NIPAL2: variants seen among roughly 807,000 people sequenced by gnomAD.
NIPAL2 encodes the protein NIPA like domain containing 2, also known as NIPA-like protein 2.
NIPAL2 carries 43 observed loss-of-function variants against 48.9 expected under a neutral mutation model. That is an observed-to-expected ratio of 0.88 (90% CI 0.69 to 1.13). The LOEUF (loss-of-function observed/expected upper bound fraction) is 1.13, where lower values mean the gene tolerates loss of function less well. Among genes scored for constraint, NIPAL2 ranks in the 50% most tolerant of loss-of-function variants. The pLI, the probability that NIPAL2 is intolerant of heterozygous loss-of-function variation, is 0.00. For missense variants in NIPAL2, 446 were observed against 461.4 expected, an observed-to-expected ratio of 0.97 and a Z score of 0.31; for synonymous variants, 167 against 174.6, an observed-to-expected ratio of 0.96 and a Z score of 0.34.
chr8:98,205,145 T>TAAACATGATA lies in NIPAL2; in HGVS notation c.747_756dup (p.Ile253TyrfsTer33), dbSNP rs1810966896. 6.2e-7 allele frequency: 1 copy of TAAACATGATA among 1,613,844 alleles called. No individual in the cohort carries two copies. The highest frequency in any genetic ancestry group is 8.5e-7 in the Non-Finnish European group (1 of 1,179,860). The stretch of plus-strand genomic sequence containing the variant: ...AAAACACAAGATGCTATCATGATGA[T>TAAACATGATA]AAACATGATATAGAAAATGGGGTAA... On this transcript the variant is annotated frameshift_variant, in exon 7 of 11. Transcript: ENST00000430223. LOFTEE classifies it high-confidence loss of function.
Position 98,263,979 on chromosome 8 carries a change from C to T in NIPAL2, c.136-9892G>A, listed in dbSNP as rs1480579648. Among the ~76,000 whole-genome samples the T allele has an allele frequency of 2.4e-3, 334 of 140,202 alleles. 8 individuals are homozygous for T. The East Asian group carries it at 0.038, about 16-fold the overall frequency. The allele number at this position is 140,202 out of a possible 152,430, so 92.0% of individuals were successfully genotyped here. On this transcript the variant is annotated intron_variant, in intron 1 of 10. Transcript: ENST00000430223. ...TGGGATGCAAGGCTGGTTCAATATA[C>T]GCAAATCAATAAATGTAATCCAGCA...
intron 3 of NIPAL2, among the ~76,000 whole-genome samples, chr8:98,251,439 C>G (rs574200271): frequency 3.9e-5 from 6 of 152,276 alleles, no homozygotes; most frequent in East Asian, 3.9e-4. Context: ...ATGTTAAAAA[C>G]AGTAAATGAT....
At chr8:98,249,632 A>C (rs1258348028) in intron 3 of NIPAL2, among the ~76,000 whole-genome samples, 4 of 147,762 alleles carry the variant, frequency 2.7e-5, no homozygotes, top group Non-Finnish European at 6.0e-5. Context: ...AACATAATAC[A>C]ATTTAATATA....
At chr8:98,220,296 A>G (rs745600065) in intron 5 of NIPAL2, among the ~76,000 whole-genome samples, 45 of 152,332 alleles carry the variant, frequency 3.0e-4, no homozygotes, top group Middle Eastern at 3.4e-3. Flanking sequence ...TTTCAATACT[A>G]GGCATATAAA....
intron 1 of NIPAL2, among the ~76,000 whole-genome samples, chr8:98,261,531 A>G (rs1317125244): frequency 1.4e-5 from 2 of 138,974 alleles, no homozygotes; most frequent in African/African-American, 5.4e-5. Context: ...GGTATCAGCA[A>G]TGGAAGATGA....
chr8:98,212,583 G>T, intron 5 of NIPAL2, 82 bp from the exon 6 acceptor site: 1 of 739,380 alleles, frequency 1.4e-6, no homozygotes, highest in South Asian at 1.6e-5. Flanking sequence ...TGATTTTGCA[G>T]CAATTCTCAT....
At chr8:98,278,846 A>G (rs1281321864) in intron 1 of NIPAL2, among the ~76,000 whole-genome samples, 1 of 152,240 alleles carries the variant, frequency 6.6e-6, no homozygotes, top group Non-Finnish European at 1.5e-5. Flanking sequence ...CTATTTTATA[A>G]TAACCGAGGT....
chr8:98,260,615 C>G (rs1814249998), intron 1 of NIPAL2, among the ~76,000 whole-genome samples: 1 of 152,204 alleles, frequency 6.6e-6, no homozygotes, highest in Non-Finnish European at 1.5e-5. Flanking sequence ...CTGCACCTGG[C>G]TCGGAGGGTC....
intron 1 of NIPAL2, among the ~76,000 whole-genome samples, chr8:98,289,692 A>G (rs543923615): frequency 6.6e-6 from 1 of 152,222 alleles, no homozygotes; most frequent in East Asian, 1.9e-4. Context: ...AATCTGATAA[A>G]GGAAAAAATG....
At chr8:98,283,008 C>T (rs905628110) in intron 1 of NIPAL2, among the ~76,000 whole-genome samples, 1 of 152,188 alleles carries the variant, frequency 6.6e-6, no homozygotes, top group Non-Finnish European at 1.5e-5. Context: ...TAAAAGCCAA[C>T]ATAAAGGCTC....
intron 4 of NIPAL2, among the ~76,000 whole-genome samples, chr8:98,233,683 G>A (rs894924771): frequency 3.9e-5 from 6 of 152,120 alleles, no homozygotes; most frequent in African/African-American, 1.4e-4. Flanking sequence ...GTAATGTTTG[G>A]TTGATCATGC....
chr8:98,240,132 T>C (rs535860618), intron 3 of NIPAL2, among the ~76,000 whole-genome samples: 18 of 152,202 alleles, frequency 1.2e-4, no homozygotes, highest in African/African-American at 3.9e-4. Context: ...TTAAACAGAT[T>C]TGTACTAGTT....
chr8:98,213,758 T>C (rs1261928310), intron 5 of NIPAL2, among the ~76,000 whole-genome samples: 1 of 152,182 alleles, frequency 6.6e-6, no homozygotes, highest in African/African-American at 2.4e-5. Flanking sequence ...ATGCCACCTC[T>C]CTGAGAGTTC....
At chr8:98,231,184 A>T (rs191311378) in intron 4 of NIPAL2, among the ~76,000 whole-genome samples, 1 of 152,172 alleles carries the variant, frequency 6.6e-6, no homozygotes, top group Non-Finnish European at 1.5e-5. Flanking sequence ...CCTCAGGCTT[A>T]TGGTAGCTAA....
chr8:98,251,972 A>C (rs938377935), intron 3 of NIPAL2, among the ~76,000 whole-genome samples: 1 of 152,172 alleles, frequency 6.6e-6, no homozygotes, highest in Non-Finnish European at 1.5e-5. Flanking sequence ...ATTACATAAA[A>C]TTTCAAAGTA....
chr8:98,224,755 CTTTTTTTTT>C (rs371936351), intron 4 of NIPAL2, among the ~76,000 whole-genome samples: 1 of 123,768 alleles, frequency 8.1e-6, no homozygotes, highest in Admixed American at 9.5e-5. Flanking sequence ...TCTTTCTTTT[CTTTTTTTTT>C]TTTTTTTTTG....
intron 3 of NIPAL2, among the ~76,000 whole-genome samples, chr8:98,245,821 T>C (rs778002795): frequency 6.6e-6 from 1 of 152,240 alleles, no homozygotes; most frequent in African/African-American, 2.4e-5. Context: ...TGAGCAGACA[T>C]AGATTAAAAC....
intron 1 of NIPAL2, among the ~76,000 whole-genome samples, chr8:98,266,553 CAAA>C (rs1168587196): frequency 5.8e-5 from 4 of 69,252 alleles, no homozygotes; most frequent in African/African-American, 8.4e-5. Context: ...ACTCTGTCTC[CAAA>C]AAAAAAAAAA....
At chr8:98,252,437 A>C in intron 3 of NIPAL2, 26 bp downstream of exon 3, 1 of 1,552,626 alleles carries the variant, frequency 6.4e-7, no homozygotes, top group Non-Finnish European at 8.7e-7. Flanking sequence ...TTAAGTTTCT[A>C]TTTGTCAAAA....
Sources: allele counts gnomAD v4.1 joint callset (sites outside exome capture counted in the v4.1 genomes callset), GRCh38; gene constraint gnomAD v4.1.1; transcripts MANE v1.5; gene names NCBI Gene and HGNC (gene_info 2026-07-23, HGNC 2026-07-21).